Variants in WDR70 observed in about 807,000 individuals in gnomAD.
The protein encoded by WDR70 is WD repeat-containing protein 70.
A neutral mutation model predicts 88.6 loss-of-function variants in WDR70; 53 were observed. That is an observed-to-expected ratio of 0.60 (90% CI 0.48 to 0.75). WDR70 has a LOEUF of 0.75. WDR70 is among the 30% of genes least tolerant of loss of function. The pLI is 0.00. For missense variants in WDR70, 610 were observed against 823.2 expected (o/e 0.74, Z 3.17); for synonymous variants, 280 against 270.0 (o/e 1.04, Z -0.36).
At chr5:37,411,432 A>AT (rs1204270865) in intron 5 of WDR70, among the ~76,000 whole-genome samples, 50 of 147,992 alleles carry the variant, frequency 3.4e-4, no homozygotes, top group Admixed American at 7.5e-4. Flanking sequence ...TTTACAAATG[A>AT]TTTTTTTTTT....
chr5:37,572,288 T>C (rs1365563579), intron 9 of WDR70, among the ~76,000 whole-genome samples: 2 of 152,058 alleles, frequency 1.3e-5, no homozygotes, highest in Admixed American at 6.6e-5. Context: ...GTGGTGGGAC[T>C]GGGAAAGCCT....
chr5:37,726,757 A>C, intron 16 of WDR70, 126 bp from the exon 17 acceptor site: 1 of 976,118 alleles, frequency 1.0e-6, no homozygotes, highest in South Asian at 3.2e-5. Flanking sequence ...TCATAAATCT[A>C]AGCTGAAAGG....
chr5:37,515,784 C>A (rs1358304829), intron 8 of WDR70, among the ~76,000 whole-genome samples: 1 of 152,176 alleles, frequency 6.6e-6, no homozygotes, highest in Non-Finnish European at 1.5e-5. Flanking sequence ...CCACGTAAAT[C>A]TGACTTGCTG....
intron 7 of WDR70, among the ~76,000 whole-genome samples, chr5:37,455,425 A>G (rs77166074): frequency 1.3e-5 from 2 of 151,370 alleles, no homozygotes; most frequent in Admixed American, 1.3e-4. Flanking sequence ...TATTTTTAGT[A>G]GAGACGGGGT....
intron 6 of WDR70, 111 bp from the exon 7 acceptor site, chr5:37,443,128 A>T (rs1750705060): frequency 8.4e-7 from 1 of 1,188,298 alleles, no homozygotes. Context: ...GGTGGTTTGT[A>T]CTTCCAAGTC....
chr5:37,490,471 T>C lies in WDR70; in HGVS notation c.840+10484T>C, dbSNP rs1740034086. On this transcript the variant is annotated intron_variant, in intron 8 of 17. Coordinates refer to ENST00000265107, the MANE Select transcript of WDR70 (RefSeq NM_018034.4). Reference sequence around the variant, plus strand: ...GTCTCTGGAGAGCACATGCTTTGTCTCCACTTCCCCTATTCCCTGTGGCAT... The same window carrying C: ...GTCTCTGGAGAGCACATGCTTTGTCCCCACTTCCCCTATTCCCTGTGGCAT... Among the ~76,000 whole-genome samples the C allele has an allele frequency of 3.3e-5, 5 of 152,242 alleles. No homozygotes were observed. The South Asian group carries it at 8.3e-4, about 25-fold the overall frequency.
At chr5:37,557,956 T>TACTCTTTTGAAAACTCTTCAAAAG (rs1561900797) in intron 9 of WDR70, among the ~76,000 whole-genome samples, 2 of 145,032 alleles carry the variant, frequency 1.4e-5, no homozygotes, top group African/African-American at 2.5e-5. Context: ...TTCAAAAGAG[T>TACTCTTTTGAAAACTCTTCAAAAG]ATTATGTATA....
intron 7 of WDR70, among the ~76,000 whole-genome samples, chr5:37,456,252 C>A (rs1394810055): frequency 6.6e-6 from 1 of 152,114 alleles, no homozygotes; most frequent in Non-Finnish European, 1.5e-5. Flanking sequence ...ATATCCTTAC[C>A]TACACTTGGT....
At chr5:37,529,749 T>G (rs1461907105) in intron 9 of WDR70, among the ~76,000 whole-genome samples, 1 of 152,086 alleles carries the variant, frequency 6.6e-6, no homozygotes, top group Non-Finnish European at 1.5e-5. Context: ...TTTTCTATTA[T>G]GTGATGATAT....
At chr5:37,466,705 CAAAAAAAAAAAAAAAAA>C (rs796359494) in intron 7 of WDR70, among the ~76,000 whole-genome samples, 1 of 65,530 alleles carries the variant, frequency 1.5e-5, no homozygotes, top group Non-Finnish European at 2.6e-5. Context: ...GACTCCATCT[CAAAAAAAAAAAAAAAAA>C]AAAAAAAAAA....
intron 5 of WDR70, among the ~76,000 whole-genome samples, chr5:37,432,602 T>C (rs1750342089): frequency 1.3e-5 from 2 of 151,980 alleles, no homozygotes; most frequent in African/African-American, 4.8e-5. Flanking sequence ...TTCGCCGTGT[T>C]AGCCAGGATG....
intron 7 of WDR70, among the ~76,000 whole-genome samples, chr5:37,474,779 G>C (rs1403983034): frequency 6.6e-6 from 1 of 152,116 alleles, no homozygotes; most frequent in Non-Finnish European, 1.5e-5. Flanking sequence ...CCCCACATGT[G>C]TCCATGTGTT....
intron 10 of WDR70, among the ~76,000 whole-genome samples, chr5:37,631,501 G>T (rs889715915): frequency 1.3e-5 from 2 of 152,078 alleles, no homozygotes; most frequent in African/African-American, 4.8e-5. Context: ...TGTGTACCAG[G>T]AATTGTTATT....
intron 8 of WDR70, among the ~76,000 whole-genome samples, chr5:37,490,207 A>G (rs905409287): frequency 4.6e-5 from 7 of 152,000 alleles, no homozygotes; most frequent in Non-Finnish European, 8.8e-5. Context: ...GCTTGTCCTT[A>G]AGGCCTCTGA....
At chr5:37,438,917 T>TG (rs1035151910) in intron 6 of WDR70, among the ~76,000 whole-genome samples, 7 of 149,610 alleles carry the variant, frequency 4.7e-5, no homozygotes, top group African/African-American at 7.3e-5. Context: ...CGTTTTTTTT[T>TG]TTGTTTTGTT....
chr5:37,488,746 G>A (rs1038656042), intron 8 of WDR70, among the ~76,000 whole-genome samples: 6 of 151,906 alleles, frequency 3.9e-5, no homozygotes, highest in Non-Finnish European at 7.4e-5. Flanking sequence ...ATATCACTGA[G>A]CTTCTTTTAG....
rs1349384159 is a variant in WDR70, at chr5:37,443,292, T to C, written c.606T>C (p.Tyr202=). ...PSGARLVTGG[Y]DYDVKFWDFA... is the part of the protein sequence containing the mutation. ...GTGCCCGTTTGGTGACAGGAGGATA[T>C]GACTATGATGTTAAGTTTTGGGATT... The change falls in exon 7 of 18, where the codon TAT becomes TAC. Residue 202 remains tyrosine, a synonymous_variant. Coordinates refer to ENST00000265107, the MANE Select transcript of WDR70 (RefSeq NM_018034.4). 1.2e-6 allele frequency: 2 copies of C among 1,613,764 alleles called. No homozygotes were observed. Among genetic ancestry groups the C allele is most frequent in the Non-Finnish European group, 1.7e-6 (2 of 1,179,858 alleles).
chr5:37,712,976 G>A (rs748083687), intron 13 of WDR70, among the ~76,000 whole-genome samples: 1 of 152,102 alleles, frequency 6.6e-6, no homozygotes, highest in Non-Finnish European at 1.5e-5. Flanking sequence ...CGATGAGTGA[G>A]CCATCGCGCC....
chr5:37,680,278 C>G (rs1449547938), intron 10 of WDR70, among the ~76,000 whole-genome samples: 1 of 150,384 alleles, frequency 6.6e-6, no homozygotes, highest in Non-Finnish European at 1.5e-5. Context: ...GTTTAAGTTT[C>G]TTATAGATGC....
Sources: allele counts gnomAD v4.1 joint callset (sites outside exome capture counted in the v4.1 genomes callset), GRCh38; gene constraint gnomAD v4.1.1; transcripts MANE v1.5; gene names NCBI Gene and HGNC (gene_info 2026-07-23, HGNC 2026-07-21).